Variants in RAB34 observed in about 807,000 individuals in gnomAD.
The protein encoded by RAB34 is ras-related protein Rab-34.
RAB34 carries 33 observed loss-of-function variants against 39.0 expected under a neutral mutation model. The observed-to-expected ratio is 0.85, with a 90% confidence interval of 0.64 to 1.13. The LOEUF (loss-of-function observed/expected upper bound fraction) is 1.13. RAB34 is among the 50% of genes most tolerant of loss of function. The pLI, the probability that RAB34 is intolerant of heterozygous loss-of-function variation, is 0.00. For synonymous variants in RAB34, 135 were observed against 125.1 expected (o/e 1.08, Z -0.53); for missense variants, 289 against 326.1 (o/e 0.89, Z 0.88).
upstream of RAB34, chr17:28,717,960 C>G: frequency 7.8e-7 from 1 of 1,280,514 alleles, no homozygotes; most frequent in Non-Finnish European, 1.0e-6. Context: ...CCACCCCCTC[C>G]TCTCCACCCT....
Position 28,717,573 on chromosome 17 carries a change from G to T in RAB34, c.-307C>A. 1 of 1,419,348 alleles carries T rather than the reference G, an allele frequency of 7.0e-7. No individual in the cohort carries two copies. The highest frequency in any genetic ancestry group is 2.7e-5 in the East Asian group (1 of 37,526). The allele number at this position is 1,419,348 out of a possible 1,614,324, so 87.9% of individuals were successfully genotyped here. On this transcript the variant is annotated 5_prime_UTR_variant, in exon 1 of 10. Coordinates refer to ENST00000395245, the MANE Select transcript of RAB34 (RefSeq NM_031934.6). ...TGGGGGCGGGGAGTCCCGTCTGGTG[G>T]GGGCCGGGCCCGCGCAGACCCTACG...
chr17:28,718,179 G>A, upstream of RAB34: 4 of 1,608,836 alleles, frequency 2.5e-6, no homozygotes, highest in Non-Finnish European at 3.4e-6. Context: ...GCGATGCCAG[G>A]AACCAGCAGG....
At position 28,714,608 on chromosome 17, in the gene RAB34, A is replaced by G. The variant is rs1438319918; in HGVS notation, c.*35T>C. The G allele has an allele frequency of 1.2e-6, 2 of 1,613,998 alleles. No homozygotes were observed. The highest frequency in any genetic ancestry group is 1.7e-4 in the Middle Eastern group (1 of 5,940). On this transcript the variant is annotated 3_prime_UTR_variant, in exon 10 of 10. Transcript: ENST00000395245. ...AGGAATGAGGGTGGCACAGTGCCCTAGGGCTGGGCAGTCTCTGAACAGTCT... is the reference window on the plus strand; with the variant it reads ...AGGAATGAGGGTGGCACAGTGCCCTGGGGCTGGGCAGTCTCTGAACAGTCT...
At position 28,716,412 on chromosome 17, in the gene RAB34, C is replaced by T. The variant is rs191652281; in HGVS notation, c.147-354G>A. ...GAGATAAATGTCCTATATTCTAAGA[C>T]ACCCTCCCCCCCGCATTTTAATGTC... On this transcript the variant is annotated intron_variant, in intron 2 of 9. Coordinates refer to ENST00000395245, the MANE Select transcript of RAB34 (RefSeq NM_031934.6). 6 of 301,756 alleles carry T rather than the reference C, an allele frequency of 2.0e-5. No individual in the cohort carries two copies. The Admixed American group carries it at 2.8e-4, about 14-fold the overall frequency. 18.7% of individuals were successfully genotyped at this position (301,756 alleles called of 1,614,324 possible).
chr17:28,715,744 G>C, intron 4 of RAB34, 39 bp from the exon 5 acceptor site: 1 of 1,612,960 alleles, frequency 6.2e-7, no homozygotes, highest in Non-Finnish European at 8.5e-7. Context: ...TATGTATCTT[G>C]GGGGGTGTGG....
rs988539920 is a variant in RAB34, at chr17:28,716,944, G to A, written c.105C>T (p.Arg35=). 1.9e-6 allele frequency: 3 copies of A among 1,613,472 alleles called. No individual in the cohort carries two copies. The highest frequency in any genetic ancestry group is 2.2e-5 in the East Asian group (1 of 44,892). The change falls in exon 2 of 10, where the codon CGC becomes CGT. Residue 35 remains arginine, a synonymous_variant. Coordinates refer to ENST00000395245, the MANE Select transcript of RAB34 (RefSeq NM_031934.6). The part of the protein sequence containing the change: ...ALHGHKDFHP[R]VTCACQEHRT... ...GGTGCTCCTGGCAGGCGCAGGTGAC[G>A]CGGGGGTGGAAGTCTTTGTGCCCGT...
chr17:28,717,316 C>G lies in RAB34; in HGVS notation c.-50G>C. The G allele has an allele frequency of 6.4e-7, 1 of 1,551,298 alleles. No individual in the cohort carries two copies. The highest frequency in any genetic ancestry group is 8.7e-7 in the Non-Finnish European group (1 of 1,152,622). ...CCTGAGAAGGCGCCGAGGCCGGATC[C>G]GCGTCAGCGACCCGGGCGCGTGGAG... On this transcript the variant is annotated 5_prime_UTR_variant, in exon 1 of 10. Transcript: ENST00000395245.
Position 28,715,886 on chromosome 17 carries a change from G to T in RAB34, c.228C>A (p.Thr76=). The T allele has an allele frequency of 6.2e-7, 1 of 1,613,910 alleles. No individual in the cohort carries two copies. Among genetic ancestry groups the T allele is most frequent in the Non-Finnish European group, 8.5e-7 (1 of 1,179,918 alleles). ...TCLINRFCKD[T]FDKNYKATIG... The stretch of plus-strand genomic sequence containing the variant: ...TGGTGGCCTTGTAATTCTTATCAAA[G>T]GTGTCTTTGCAGAACCTGAGAGGGT... Residue 76 remains threonine (T), a synonymous_variant, in exon 4 of 10, where the codon ACC becomes ACA. Transcript: ENST00000395245.
chr17:28,717,792 G>T lies in RAB34; in HGVS notation c.-526C>A. 2 of 1,324,622 alleles carry T rather than the reference G, an allele frequency of 1.5e-6. No homozygotes were observed. The highest frequency in any genetic ancestry group is 2.2e-5 in the South Asian group (1 of 45,418). 82.1% of individuals were successfully genotyped at this position (1,324,622 alleles called of 1,614,324 possible). A position where few individuals can be genotyped will look rare whatever the true frequency, so the allele number is the denominator to read the frequency against. ...GCGGCGCTGCCAAGGCCCGCAGGCC[G>T]CTGGAGGAGGGGGCGAGGGGCCCAG... On this transcript the variant is annotated 5_prime_UTR_variant, in exon 1 of 10. Transcript: ENST00000395245.
upstream of RAB34, chr17:28,718,212 G>T: frequency 5.6e-6 from 9 of 1,601,376 alleles, no homozygotes; most frequent in Non-Finnish European, 7.7e-6. Context: ...GGAGAGAAGG[G>T]GCCCAAGGAG....
rs1485286873 is a variant in RAB34, at chr17:28,715,139, G to A, written c.514-17C>T. 2 of 1,613,782 alleles carry A rather than the reference G, an allele frequency of 1.2e-6. No homozygotes were observed. The highest frequency in any genetic ancestry group is 2.2e-5 in the East Asian group (1 of 44,876). ...AGCAGGGGTCTGAGGGAAGGCCAGA[G>A]TCAGAGGGGGGCATTCCCTCACCAA... On this transcript the variant is annotated splice_polypyrimidine_tract_variant and intron_variant, in intron 7 of 9. Transcript: ENST00000395245.
In RAB34 at chr17:28,717,231, G is replaced by C. The variant is rs755656549; in HGVS notation, c.36C>G (p.Val12=). 2 of 1,605,902 alleles carry C rather than the reference G, an allele frequency of 1.2e-6. No individual in the cohort carries two copies. Among genetic ancestry groups the C allele is most frequent in the Non-Finnish European group, 1.7e-6 (2 of 1,178,558 alleles). Residue 12 remains valine, a synonymous_variant, in exon 1 of 10, where the codon GTC becomes GTG. Coordinates refer to ENST00000395245, the MANE Select transcript of RAB34 (RefSeq NM_031934.6). ...CGCCTACCTGGGGCAGCTCCGCCAG[G>C]ACGCGATCCCTCCGCACGGGTGCCA... ...NILAPVRRDR[V]LAELPQCLRK...
At chr17:28,718,200 G>C, upstream of RAB34, 1 of 1,604,732 alleles carries the variant, frequency 6.2e-7, no homozygotes, top group Non-Finnish European at 8.5e-7. Flanking sequence ...GAGGGGAAAG[G>C]GGGAGAGAAG....
At position 28,717,834 on chromosome 17, in the gene RAB34, C is replaced by T. The variant is rs906653026; in HGVS notation, c.-568G>A. On this transcript the variant is annotated 5_prime_UTR_variant, in exon 1 of 10. Transcript: ENST00000395245. ...GGGGCCCAGTCCGGCTACAGGGCCT[C>T]GAGTCCCACTCCGCTCGGGCTCCGC... 6.0e-6 allele frequency: 8 copies of T among 1,341,116 alleles called. No homozygotes were observed. In the African/African-American group the frequency reaches 7.7e-5, roughly 13 times the overall value. 83.1% of individuals were successfully genotyped at this position (1,341,116 alleles called of 1,614,324 possible).
intron 2 of RAB34, 117 bp from the exon 3 acceptor site, chr17:28,716,175 A>C (rs932003920): frequency 1.4e-6 from 2 of 1,437,000 alleles, no homozygotes; most frequent in Admixed American, 4.1e-5. Context: ...GGTATTATAG[A>C]CACCAGGCAT....
At position 28,715,098 on chromosome 17, in the gene RAB34, C is replaced by T. The variant is rs773335418; in HGVS notation, c.538G>A (p.Glu180Lys). The change falls in exon 8 of 10, where the codon GAG becomes AAG. Residue 180 changes from glutamate (E) to lysine (K), a missense_variant. By Grantham distance (56) the Glu-to-Lys change is moderately conservative. Coordinates refer to ENST00000395245, the MANE Select transcript of RAB34 (RefSeq NM_031934.6). ...LSTPAQYALM[E>K]KDALQVAQEM... Reference sequence around the variant, plus strand: ...TGGGCCACCTGGAGGGCGTCTTTCTCCATCAGCGCATACTGAGCAGGGGTC... The same window carrying T: ...TGGGCCACCTGGAGGGCGTCTTTCTTCATCAGCGCATACTGAGCAGGGGTC... 10 of 1,614,012 alleles carry T rather than the reference C, an allele frequency of 6.2e-6. No individual in the cohort carries two copies. The East Asian group carries it at 2.0e-4, about 32-fold the overall frequency.
chr17:28,717,191 C>G (rs1555558052), intron 1 of RAB34, 22 bp downstream of exon 1: 2 of 1,589,850 alleles, frequency 1.3e-6, no homozygotes, highest in Non-Finnish European at 1.7e-6. Flanking sequence ...AGACTGAAGC[C>G]CGACGTGGCC....
At chr17:28,718,050 C>G, upstream of RAB34, 1 of 1,412,380 alleles carries the variant, frequency 7.1e-7, no homozygotes, top group South Asian at 1.4e-5. Context: ...TGGAGCCTAT[C>G]CAGATAGGGA....
In RAB34 at chr17:28,714,795, A is replaced by G. The variant is rs1480920063; in HGVS notation, c.710T>C (p.Val237Ala). ...CCCTCAACCAGGCAAGCACTCACGGACAACATCCCCAATGCGTCGAGCCCC... is the reference window on the plus strand; with the variant it reads ...CCCTCAACCAGGCAAGCACTCACGGGCAACATCCCCAATGCGTCGAGCCCC... ...KSGARRIGDV[V>A]RINSDDSNLY... Residue 237 changes from valine to alanine, a missense_variant and splice_region_variant, in exon 9 of 10, where the codon GTC becomes GCC. By Grantham distance (64) the Val-to-Ala change is moderately conservative. Coordinates refer to ENST00000395245, the MANE Select transcript of RAB34 (RefSeq NM_031934.6). 1 of 1,614,136 alleles carries G rather than the reference A, an allele frequency of 6.2e-7. No individual in the cohort carries two copies. The highest frequency in any genetic ancestry group is 1.3e-5 in the African/African-American group (1 of 75,034).
Sources: allele counts gnomAD v4.1 joint callset, GRCh38; gene constraint gnomAD v4.1.1; transcripts MANE v1.5; gene names NCBI Gene and HGNC (gene_info 2026-07-23, HGNC 2026-07-21).